Variants in CNTNAP2 observed in about 807,000 individuals in gnomAD.
CNTNAP2 encodes the protein contactin associated protein 2.
A neutral mutation model predicts 155.2 loss-of-function variants in CNTNAP2; 98 were observed. The ratio of observed to expected loss-of-function variants is 0.63; its 90% CI spans 0.54 to 0.75. The LOEUF (loss-of-function observed/expected upper bound fraction) is 0.75. Ranked by LOEUF, CNTNAP2 falls within the 30% of genes least tolerant of loss-of-function variation. The pLI is 0.00. For synonymous variants in CNTNAP2, 651 were observed against 631.2 expected, an observed-to-expected ratio of 1.03 and a Z score of -0.47; for missense variants, 1,727 against 1,688.1, an observed-to-expected ratio of 1.02 and a Z score of -0.40.
At chr7:147,865,986 G>T (rs1435318269) in intron 13 of CNTNAP2, among the ~76,000 whole-genome samples, 7 of 152,074 alleles carry the variant, frequency 4.6e-5, no homozygotes, top group Non-Finnish European at 8.8e-5. Flanking sequence ...GTTTGCTCTT[G>T]CTTCTCTAGT....
intron 13 of CNTNAP2, among the ~76,000 whole-genome samples, chr7:147,733,497 A>G (rs140391702): frequency 1.0e-3 from 152 of 152,304 alleles, no homozygotes; most frequent in African/African-American, 3.5e-3. Flanking sequence ...TGACTTGCCA[A>G]TGTGGGCTCT....
chr7:147,456,056 G>A (rs1024256311), intron 10 of CNTNAP2, among the ~76,000 whole-genome samples: 1 of 152,034 alleles, frequency 6.6e-6, no homozygotes, highest in Non-Finnish European at 1.5e-5. Context: ...GAGTGTACTT[G>A]TATGTATGTA....
chr7:146,967,734 A>T (rs1456940015), intron 3 of CNTNAP2, among the ~76,000 whole-genome samples: 1 of 152,182 alleles, frequency 6.6e-6, no homozygotes, highest in Non-Finnish European at 1.5e-5. Flanking sequence ...TTTTCTAGAT[A>T]TACTATCATG....
At chr7:146,524,647 A>G (rs796733491) in intron 1 of CNTNAP2, among the ~76,000 whole-genome samples, 25 of 152,240 alleles carry the variant, frequency 1.6e-4, no homozygotes, top group African/African-American at 5.8e-4. Flanking sequence ...ACAATGCCTT[A>G]GAAGGGAGCA....
At chr7:146,637,660 G>T (rs1262720560) in intron 1 of CNTNAP2, among the ~76,000 whole-genome samples, 1 of 152,162 alleles carries the variant, frequency 6.6e-6, no homozygotes, top group African/African-American at 2.4e-5. Flanking sequence ...GACAGGACCA[G>T]TTTTGAAGTT....
chr7:148,041,349 A>G (rs924360268), intron 15 of CNTNAP2, among the ~76,000 whole-genome samples: 7 of 152,238 alleles, frequency 4.6e-5, no homozygotes, highest in Admixed American at 3.3e-4. Context: ...TGTCATGTGC[A>G]TGGAGATGTG....
At chr7:146,339,147 CTTCTT>C (rs1416299587) in intron 1 of CNTNAP2, among the ~76,000 whole-genome samples, 3 of 152,106 alleles carry the variant, frequency 2.0e-5, no homozygotes, top group African/African-American at 7.2e-5. Flanking sequence ...TTATCTCTCT[CTTCTT>C]CAAACCTGTA....
At chr7:146,842,421 A>G (rs923855510) in intron 3 of CNTNAP2, among the ~76,000 whole-genome samples, 13 of 152,144 alleles carry the variant, frequency 8.5e-5, no homozygotes, top group Non-Finnish European at 1.8e-4. Context: ...ATGAGTGATT[A>G]TTAGTAGTGA....
At chr7:148,159,012 G>A (rs1377879162) in intron 17 of CNTNAP2, among the ~76,000 whole-genome samples, 2 of 152,116 alleles carry the variant, frequency 1.3e-5, no homozygotes, top group Admixed American at 6.5e-5. Context: ...AGTACACTAT[G>A]AGCGTGAGAA....
chr7:148,288,944 CAA>C (rs58641348), intron 21 of CNTNAP2, among the ~76,000 whole-genome samples: 3,265 of 101,376 alleles, frequency 0.032, 25 homozygotes, highest in East Asian at 0.038. Context: ...TCTTATTCAG[CAA>C]AAAAAAAAAA....
At chr7:148,220,172 G>A (rs1030715227) in intron 19 of CNTNAP2, among the ~76,000 whole-genome samples, 12 of 152,250 alleles carry the variant, frequency 7.9e-5, no homozygotes, top group Admixed American at 6.5e-5. Flanking sequence ...GCATGATCTC[G>A]GCTCACTGCA....
intron 10 of CNTNAP2, among the ~76,000 whole-genome samples, chr7:147,460,762 TG>T (rs1798008078): frequency 1.3e-5 from 2 of 152,250 alleles, no homozygotes; most frequent in African/African-American, 4.8e-5. Context: ...TTCACATGTG[TG>T]GAAGACTTTC....
At chr7:146,483,676 A>G (rs1450163547) in intron 1 of CNTNAP2, among the ~76,000 whole-genome samples, 19 of 151,870 alleles carry the variant, frequency 1.3e-4, no homozygotes, top group Admixed American at 1.2e-3. Context: ...TATTTTTTAC[A>G]AAAACAGTTA....
chr7:148,145,544 C>T (rs148684976), intron 16 of CNTNAP2, among the ~76,000 whole-genome samples: 1 of 152,136 alleles, frequency 6.6e-6, no homozygotes, highest in Non-Finnish European at 1.5e-5. Context: ...GCAGTTGATG[C>T]CTTTAAAATG....
At chr7:148,103,323 C>A (rs910073847) in intron 15 of CNTNAP2, among the ~76,000 whole-genome samples, 1 of 151,704 alleles carries the variant, frequency 6.6e-6, no homozygotes, top group Non-Finnish European at 1.5e-5. Context: ...TGGGGGTCTC[C>A]TTTCACATCA....
chr7:147,337,973 G>A (rs937453647), intron 9 of CNTNAP2, among the ~76,000 whole-genome samples: 2 of 152,148 alleles, frequency 1.3e-5, no homozygotes. Context: ...CTGCATCTGA[G>A]TGGTTAGAAT....
chr7:148,150,102 CAAAAAAA>C (rs71188948), intron 17 of CNTNAP2, among the ~76,000 whole-genome samples: 8 of 84,534 alleles, frequency 9.5e-5, no homozygotes, highest in Middle Eastern at 7.6e-3. Flanking sequence ...GGGGTTGTTA[CAAAAAAA>C]AAAAAAAAAA....
rs375126689 is a variant in CNTNAP2 at position 146,354,690 on chromosome 7, C to T, written c.97+237717C>T. On this transcript the variant is annotated intron_variant, in intron 1 of 23. Transcript: ENST00000361727. The stretch of plus-strand genomic sequence containing the variant: ...TCAGCCTCCCAAAGTGCTAGGATTA[C>T]GGAAGTGAGCCACTGTGCCCGGCCC... Among the ~76,000 whole-genome samples the T allele has an allele frequency of 1.8e-4, 27 of 152,202 alleles. No homozygotes were observed. In the East Asian group the frequency reaches 1.9e-3, roughly 11 times the overall value.
At chr7:147,882,665 G>A (rs1336755387) in intron 13 of CNTNAP2, among the ~76,000 whole-genome samples, 1 of 152,106 alleles carries the variant, frequency 6.6e-6, no homozygotes, top group Non-Finnish European at 1.5e-5. Flanking sequence ...CAGAATCCCT[G>A]CTTTACTCCC....
Sources: gnomAD v4.1 joint callset for allele counts (sites outside exome capture counted in the v4.1 genomes callset) on GRCh38, gnomAD v4.1.1 for gene constraint, MANE v1.5 for transcripts, NCBI Gene and HGNC (gene_info 2026-07-23, HGNC 2026-07-21) for gene names.